Variants in PGM5 observed in about 807,000 individuals in gnomAD.
The protein encoded by PGM5 is phosphoglucomutase 5.
Under a neutral mutation model 59.2 loss-of-function variants are expected in PGM5, and 23 were observed. That is an observed-to-expected ratio of 0.39 (90% CI 0.28 to 0.55). The LOEUF (loss-of-function observed/expected upper bound fraction) is 0.55. PGM5 is among the 20% of genes least tolerant of loss of function. The pLI is 0.66. For synonymous variants in PGM5, 214 were observed against 286.0 expected (o/e 0.75, Z 2.54); for missense variants, 574 against 748.3 (o/e 0.77, Z 2.72).
chr9:68,416,779 G>C (rs1034235344), intron 6 of PGM5, among the ~76,000 whole-genome samples: 1 of 152,192 alleles, frequency 6.6e-6, no homozygotes, highest in Non-Finnish European at 1.5e-5. Flanking sequence ...CGGGCTTTCT[G>C]TTTGGTCTCT....
In PGM5 at chr9:68,437,347, A is replaced by G. The variant is rs1823455796; in HGVS notation, c.1044-27746A>G. Reference sequence around the variant, plus strand: ...TTAGTGGAGAAAAGGAAGCTTGGCAACTTTCGTGAAATGGTGTGCCTTAAA... The same window carrying G: ...TTAGTGGAGAAAAGGAAGCTTGGCAGCTTTCGTGAAATGGTGTGCCTTAAA... On this transcript the variant is annotated intron_variant, in intron 6 of 10. Coordinates refer to ENST00000396396, the MANE Select transcript of PGM5 (RefSeq NM_021965.4). The surrounding 1 kb of genome is among the most constrained non-coding windows in gnomAD (Gnocchi z 4.1). Among the ~76,000 whole-genome samples the G allele has an allele frequency of 6.6e-6, 1 of 152,246 alleles. No individual in the cohort carries two copies. Among genetic ancestry groups the G allele is most frequent in the Non-Finnish European group, 1.5e-5 (1 of 68,040 alleles).
rs1382561528 is a variant in PGM5 at position 68,409,782 on chromosome 9, G to A, written c.1043+17309G>A. On this transcript the variant is annotated intron_variant, in intron 6 of 10. Coordinates refer to ENST00000396396, the MANE Select transcript of PGM5 (RefSeq NM_021965.4). Reference sequence around the variant, plus strand: ...GGAGATATACCTAATGCTAGATGACGAGTTAGTGGGTGCAGCCCACCAGCA... The same window carrying A: ...GGAGATATACCTAATGCTAGATGACAAGTTAGTGGGTGCAGCCCACCAGCA... Among the ~76,000 whole-genome samples the A allele has an allele frequency of 4.6e-3, 640 of 139,620 alleles. 6 individuals are homozygous for A. Among genetic ancestry groups the A allele is most frequent in the African/African-American group, 0.016 (600 of 37,748 alleles). The allele number at this position is 139,620 out of a possible 152,430, so 91.6% of individuals were successfully genotyped here.
chr9:68,489,086 C>G (rs1824344545), intron 9 of PGM5, among the ~76,000 whole-genome samples: 1 of 152,156 alleles, frequency 6.6e-6, no homozygotes, highest in South Asian at 2.1e-4. Context: ...CTTCCCTTCA[C>G]CATCGATACC....
At chr9:68,401,646 G>A (rs1189089561) in intron 6 of PGM5, among the ~76,000 whole-genome samples, 16 of 151,674 alleles carry the variant, frequency 1.1e-4, no homozygotes, top group Middle Eastern at 3.4e-3. Flanking sequence ...AACATGTGGC[G>A]TGCTGTTGTT....
intron 2 of PGM5, among the ~76,000 whole-genome samples, chr9:68,382,628 G>A (rs1376852268): frequency 1.3e-5 from 2 of 151,562 alleles, no homozygotes; most frequent in East Asian, 1.9e-4. Context: ...TTATATGAGT[G>A]CCTGTAGATT....
intron 10 of PGM5, among the ~76,000 whole-genome samples, chr9:68,522,217 A>G (rs1016279261): frequency 2.6e-5 from 4 of 152,222 alleles, no homozygotes; most frequent in African/African-American, 7.2e-5. Context: ...TGAGCCTTTT[A>G]TATCAGGGGC....
intron 6 of PGM5, among the ~76,000 whole-genome samples, chr9:68,424,224 C>A (rs1287987757): frequency 6.6e-6 from 1 of 152,182 alleles, no homozygotes; most frequent in Non-Finnish European, 1.5e-5. Context: ...ATGGAACACC[C>A]TTTGTCTTAG....
At chr9:68,492,669 CACCTGT>C in intron 9 of PGM5, among the ~76,000 whole-genome samples, 2 of 152,258 alleles carry the variant, frequency 1.3e-5, no homozygotes, top group South Asian at 2.1e-4. Context: ...TAGAGGGGGG[CACCTGT>C]TTTTAACTCA....
intron 9 of PGM5, among the ~76,000 whole-genome samples, chr9:68,493,146 A>C (rs1824425629): frequency 6.6e-6 from 1 of 152,178 alleles, no homozygotes; most frequent in South Asian, 2.1e-4. Context: ...ACTGTTGGTA[A>C]TGTACAGTTC....
intron 6 of PGM5, among the ~76,000 whole-genome samples, chr9:68,401,143 C>A (rs1587794050): frequency 6.6e-6 from 1 of 152,134 alleles, no homozygotes; most frequent in African/African-American, 2.4e-5. Flanking sequence ...ATTGTTAACA[C>A]TTAAGACTAT....
chr9:68,470,309 C>G (rs1823999999), intron 7 of PGM5, among the ~76,000 whole-genome samples: 1 of 152,124 alleles, frequency 6.6e-6, no homozygotes, highest in Non-Finnish European at 1.5e-5. Context: ...TTAGCATAGT[C>G]ATTTTGTGCT....
intron 9 of PGM5, among the ~76,000 whole-genome samples, chr9:68,490,332 T>C (rs1382176659): frequency 6.6e-6 from 1 of 152,204 alleles, no homozygotes; most frequent in Non-Finnish European, 1.5e-5. Flanking sequence ...CTTTTTGTTT[T>C]TGTTTTTTGT....
chr9:68,391,189 A>G lies in PGM5; in HGVS notation c.698-345A>G, dbSNP rs535473504. Among the ~76,000 whole-genome samples the G allele has an allele frequency of 1.6e-4, 24 of 151,766 alleles. No individual in the cohort carries two copies. In the East Asian group the frequency reaches 4.3e-3, roughly 27 times the overall value. ...CTAGAGCCCTTTAATGCTTTTGCAT[A>G]TATTCAGCTAAAACTTTTAATACAT... On this transcript the variant is annotated intron_variant, in intron 4 of 10. Transcript: ENST00000396396.
At chr9:68,377,477 G>T (rs1221361074) in intron 1 of PGM5, among the ~76,000 whole-genome samples, 1 of 152,308 alleles carries the variant, frequency 6.6e-6, no homozygotes, top group East Asian at 1.9e-4. Context: ...TAGATTGGAT[G>T]ATATTGAATC....
chr9:68,357,089 C>T lies in PGM5; in HGVS notation c.-39C>T, dbSNP rs1554675752. The T allele has an allele frequency of 4.2e-6, 6 of 1,443,974 alleles. No individual in the cohort carries two copies. In the African/African-American group the frequency reaches 4.4e-5, roughly 11 times the overall value. The allele number at this position is 1,443,974 out of a possible 1,614,324, so 89.4% of individuals were successfully genotyped here. ...CCCCCGGCAGGCTGCAGATTCCCTC[C>T]GGCTCCGGGAGCCGCAGCAGGACCG... is the stretch of plus-strand genomic sequence containing the variant. On this transcript the variant is annotated 5_prime_UTR_variant, in exon 1 of 11. Coordinates refer to ENST00000396396, the MANE Select transcript of PGM5 (RefSeq NM_021965.4).
chr9:68,515,972 G>A (rs990970673), intron 10 of PGM5, among the ~76,000 whole-genome samples: 8 of 152,284 alleles, frequency 5.3e-5, no homozygotes, highest in Admixed American at 3.3e-4. Context: ...CCGTATGGGG[G>A]CTAGGCAGAA....
chr9:68,528,501 T>C (rs1825024363), intron 10 of PGM5, among the ~76,000 whole-genome samples: 1 of 152,194 alleles, frequency 6.6e-6, no homozygotes, highest in South Asian at 2.1e-4. Context: ...CCTTCCAAAA[T>C]ATTGGGATTA....
chr9:68,394,272 G>T (rs1822441976), intron 6 of PGM5: 1 of 152,032 alleles, frequency 6.6e-6, no homozygotes, highest in Non-Finnish European at 1.5e-5. Context: ...TCAACACCAT[G>T]AAAAAATAGC....
At chr9:68,478,706 C>T (rs1185153143) in intron 7 of PGM5, among the ~76,000 whole-genome samples, 6 of 152,214 alleles carry the variant, frequency 3.9e-5, no homozygotes, top group African/African-American at 1.4e-4. Context: ...TAGCTTGCCC[C>T]TCTGTATTTC....
Sources: allele counts gnomAD v4.1 joint callset (sites outside exome capture counted in the v4.1 genomes callset), GRCh38; gene constraint gnomAD v4.1.1; non-coding constraint Gnocchi (gnomAD v3.1); transcripts MANE v1.5; gene names NCBI Gene and HGNC (gene_info 2026-07-23, HGNC 2026-07-21).